The following GPBP1 variants were observed in gnomAD, a reference collection of about 807,000 sequenced individuals.
GPBP1 encodes vasculin.
GPBP1 carries 13 observed loss-of-function variants against 56.5 expected under a neutral mutation model. The ratio of observed to expected loss-of-function variants is 0.23; its 90% CI spans 0.15 to 0.37. GPBP1 has a LOEUF of 0.37. GPBP1 is among the 10% of genes least tolerant of loss of function. GPBP1 has a pLI of 1.00. For missense variants in GPBP1, 477 were observed against 572.3 expected, an observed-to-expected ratio of 0.83 and a Z score of 1.70; for synonymous variants, 204 against 188.9, an observed-to-expected ratio of 1.08 and a Z score of -0.66.
At chr5:57,249,181 T>C in intron 8 of GPBP1, 2 of 389,350 alleles carry the variant, frequency 5.1e-6, no homozygotes, top group Admixed American at 4.2e-5. Flanking sequence ...TTTAGAATCA[T>C]AGTTCTGAGT....
At chr5:57,227,559 C>G (rs925324918) in intron 3 of GPBP1, among the ~76,000 whole-genome samples, 3 of 152,184 alleles carry the variant, frequency 2.0e-5, no homozygotes, top group African/African-American at 7.2e-5. Context: ...TGGGCCGTTT[C>G]TTGGTTGTTT....
chr5:57,230,451 A>T (rs1756401167), intron 3 of GPBP1, among the ~76,000 whole-genome samples: 1 of 152,202 alleles, frequency 6.6e-6, no homozygotes, highest in Non-Finnish European at 1.5e-5. Flanking sequence ...GGGACTTAGA[A>T]CTGAAGATTC....
At chr5:57,228,659 A>G (rs1756303246) in intron 3 of GPBP1, among the ~76,000 whole-genome samples, 1 of 152,024 alleles carries the variant, frequency 6.6e-6, no homozygotes, top group Non-Finnish European at 1.5e-5. Context: ...AGCGGGGGAA[A>G]TTTTTTTAAG....
intron 2 of GPBP1, among the ~76,000 whole-genome samples, chr5:57,208,200 T>G (rs1025087960): frequency 6.6e-6 from 1 of 152,150 alleles, no homozygotes; most frequent in African/African-American, 2.4e-5. Flanking sequence ...ATTGGAGCCC[T>G]AGCCAGGGAC....
chr5:57,246,187 A>C, intron 6 of GPBP1, 113 bp from the exon 7 acceptor site: 1 of 616,988 alleles, frequency 1.6e-6, no homozygotes, highest in Non-Finnish European at 2.7e-6. Context: ...CCCAGGAGGC[A>C]GCTGTTAGTT....
At chr5:57,187,276 T>C (rs909738900) in intron 2 of GPBP1, among the ~76,000 whole-genome samples, 1 of 152,182 alleles carries the variant, frequency 6.6e-6, no homozygotes, top group African/African-American at 2.4e-5. Context: ...AAATGTTAGA[T>C]ATCTAATTCA....
At chr5:57,253,371 A>AC (rs1741480773) in intron 10 of GPBP1, among the ~76,000 whole-genome samples, 1 of 152,248 alleles carries the variant, frequency 6.6e-6, no homozygotes, top group Non-Finnish European at 1.5e-5. Flanking sequence ...GGGCTAAGTT[A>AC]CATTTATTAA....
At chr5:57,216,797 A>G (rs746228726) in intron 3 of GPBP1, among the ~76,000 whole-genome samples, 2 of 152,124 alleles carry the variant, frequency 1.3e-5, no homozygotes, top group Non-Finnish European at 2.9e-5. Context: ...TTTCTGTACT[A>G]TTCTTCTGAT....
chr5:57,212,120 G>T (rs1247016055), intron 2 of GPBP1, among the ~76,000 whole-genome samples: 1 of 151,546 alleles, frequency 6.6e-6, no homozygotes, highest in East Asian at 1.9e-4. Flanking sequence ...TATTTTTATG[G>T]GGTTTCACCA....
intron 10 of GPBP1, among the ~76,000 whole-genome samples, chr5:57,255,291 T>TA (rs1241758248): frequency 6.6e-6 from 1 of 152,162 alleles, no homozygotes; most frequent in African/African-American, 2.4e-5. Flanking sequence ...ATAATGCTGT[T>TA]ATCAGCATCC....
At chr5:57,212,947 G>A (rs942699758) in intron 2 of GPBP1, among the ~76,000 whole-genome samples, 5 of 152,018 alleles carry the variant, frequency 3.3e-5, no homozygotes, top group Admixed American at 3.3e-4. Context: ...CCCTCAAAGT[G>A]ATGGGATTAT....
intron 6 of GPBP1, among the ~76,000 whole-genome samples, chr5:57,242,836 G>C (rs972573361): frequency 6.6e-6 from 1 of 150,532 alleles, no homozygotes; most frequent in Non-Finnish European, 1.5e-5. Flanking sequence ...TGCAACCTCT[G>C]CCTCCCGGGT....
chr5:57,226,825 C>T (rs1482782727), intron 3 of GPBP1, among the ~76,000 whole-genome samples: 2 of 149,316 alleles, frequency 1.3e-5, no homozygotes, highest in African/African-American at 5.0e-5. Flanking sequence ...CTGCAAGCTC[C>T]GCCTCCTGAG....
At chr5:57,214,490 T>C (rs747273801) in intron 3 of GPBP1, among the ~76,000 whole-genome samples, 51 of 151,872 alleles carry the variant, frequency 3.4e-4, no homozygotes, top group Admixed American at 7.2e-4. Flanking sequence ...GAGGCTGAGG[T>C]GGGAGAATCA....
At chr5:57,238,900 C>T (rs554170521) in intron 6 of GPBP1, among the ~76,000 whole-genome samples, 1 of 152,290 alleles carries the variant, frequency 6.6e-6, no homozygotes, top group African/African-American at 2.4e-5. Context: ...GCAAATTAGT[C>T]ACCAGTTAAT....
chr5:57,182,883 A>G (rs1241317240), intron 2 of GPBP1, among the ~76,000 whole-genome samples: 1 of 151,762 alleles, frequency 6.6e-6, no homozygotes, highest in Non-Finnish European at 1.5e-5. Context: ...GAGTCTTGTT[A>G]TGTTTCCCAG....
chr5:57,222,528 C>CT (rs1450863813), intron 3 of GPBP1, among the ~76,000 whole-genome samples: 1 of 151,718 alleles, frequency 6.6e-6, no homozygotes, highest in Admixed American at 6.6e-5. Flanking sequence ...TGTTTTTTCC[C>CT]TTTTTTTCAA....
In GPBP1 at chr5:57,214,065, A is replaced by G. The variant is rs898900845; in HGVS notation, c.-57-9A>G. The stretch of plus-strand genomic sequence containing the variant: ...TGCAGGTCTAATTCCTTCCATTTTT[A>G]TGTGACAGGGACTTGCCATGAGGTG... On this transcript the variant is annotated splice_polypyrimidine_tract_variant and intron_variant, in intron 2 of 11. Transcript: ENST00000506184. 3.7e-6 allele frequency: 5 copies of G among 1,342,302 alleles called. No homozygotes were observed. The African/African-American group carries it at 5.8e-5, about 16-fold the overall frequency. 83.1% of individuals were successfully genotyped at this position (1,342,302 alleles called of 1,614,324 possible). A position where few individuals can be genotyped will look rare whatever the true frequency, so the allele number is the denominator to read the frequency against.
chr5:57,221,548 G>A (rs1443192596), intron 3 of GPBP1, among the ~76,000 whole-genome samples: 1 of 152,164 alleles, frequency 6.6e-6, no homozygotes, highest in Non-Finnish European at 1.5e-5. Context: ...CGGGGTTGTG[G>A]TATTAAAAGG....
Sources: gnomAD v4.1 joint callset for allele counts (sites outside exome capture counted in the v4.1 genomes callset) on GRCh38, gnomAD v4.1.1 for gene constraint, MANE v1.5 for transcripts, NCBI Gene and HGNC (gene_info 2026-07-23, HGNC 2026-07-21) for gene names.